Variants in WWC1 observed in about 807,000 individuals in gnomAD.
The protein encoded by WWC1 is WW and C2 domain containing 1.
WWC1 carries 55 observed loss-of-function variants against 138.4 expected under a neutral mutation model. The observed-to-expected ratio is 0.40, with a 90% CI of 0.32 to 0.50. The LOEUF is 0.50. WWC1 is among the 20% of genes least tolerant of loss of function. The probability of loss-of-function intolerance (pLI) is 0.72; values close to 1 mark genes in which losing one functional copy is unlikely to be tolerated. For synonymous variants in WWC1, 524 were observed against 564.9 expected, an observed-to-expected ratio of 0.93 and a Z score of 1.03; for missense variants, 1,226 against 1,420.4, an observed-to-expected ratio of 0.86 and a Z score of 2.20.
rs79855168 is a variant in WWC1 at position 168,444,086 on chromosome 5, G to A, written c.2434-408G>A. 9.0e-3 allele frequency among the ~76,000 whole-genome samples: 1,363 copies of A among 152,218 alleles called. 13 individuals are homozygous for A. Among genetic ancestry groups the A allele is most frequent in the Non-Finnish European group, 0.014 (978 of 68,018 alleles). On this transcript the variant is annotated intron_variant, in intron 16 of 22. Coordinates refer to ENST00000265293, the MANE Select transcript of WWC1 (RefSeq NM_015238.3). ...ACTTCCCAAGCTTTATCACTGTTCC[G>A]CTGTTCCCAAACAGCCAGTACTTAT...
intron 1 of WWC1, among the ~76,000 whole-genome samples, chr5:168,310,754 C>G (rs144640172): frequency 0.012 from 1,853 of 150,898 alleles, 44 homozygotes; most frequent in African/African-American, 0.043. Flanking sequence ...GGAAGGATCA[C>G]TTGGACCCAG....
At chr5:168,319,510 A>G (rs1771884475) in intron 1 of WWC1, among the ~76,000 whole-genome samples, 1 of 152,148 alleles carries the variant, frequency 6.6e-6, no homozygotes. Flanking sequence ...TCACATGGTA[A>G]TTTATCTATT....
At chr5:168,450,064 G>C (rs1218820890) in intron 17 of WWC1, among the ~76,000 whole-genome samples, 1 of 152,170 alleles carries the variant, frequency 6.6e-6, no homozygotes, top group Non-Finnish European at 1.5e-5. Flanking sequence ...CACTCTCGCC[G>C]AGCTAGCTAG....
intron 17 of WWC1, among the ~76,000 whole-genome samples, chr5:168,446,533 G>A (rs1314187231): frequency 6.6e-6 from 1 of 152,170 alleles, no homozygotes; most frequent in Non-Finnish European, 1.5e-5. Context: ...TAAAATACAT[G>A]CAGAAAATTC....
At chr5:168,295,948 G>C (rs1173137453) in intron 1 of WWC1, among the ~76,000 whole-genome samples, 5 of 152,318 alleles carry the variant, frequency 3.3e-5, no homozygotes. Flanking sequence ...AGCACCACAG[G>C]CTTTTCCTGA....
chr5:168,382,825 T>C (rs1736523827), intron 2 of WWC1, among the ~76,000 whole-genome samples: 1 of 152,178 alleles, frequency 6.6e-6, no homozygotes, highest in Admixed American at 6.5e-5. Context: ...CCTTACTTTT[T>C]TTCTCAGAAA....
intron 20 of WWC1, among the ~76,000 whole-genome samples, chr5:168,461,233 G>C (rs753422122): frequency 5.3e-5 from 8 of 152,090 alleles, no homozygotes; most frequent in Non-Finnish European, 1.0e-4. Context: ...TTGGGAGGCT[G>C]AGGCAGGAGA....
At chr5:168,460,780 C>T (rs1376555758) in intron 20 of WWC1, 38 bp downstream of exon 20, 12 of 1,603,918 alleles carry the variant, frequency 7.5e-6, no homozygotes, top group Non-Finnish European at 1.0e-5. Context: ...TCTGCCTGCT[C>T]CTCCCTCGTT....
chr5:168,414,761 G>A, intron 9 of WWC1, 171 bp downstream of exon 9: 2 of 996,656 alleles, frequency 2.0e-6, no homozygotes, highest in South Asian at 2.0e-5. Context: ...AAGATGGTTT[G>A]CCATCCAGTG....
intron 15 of WWC1, among the ~76,000 whole-genome samples, chr5:168,440,576 G>A (rs920779650): frequency 6.6e-6 from 1 of 152,072 alleles, no homozygotes; most frequent in East Asian, 1.9e-4. Flanking sequence ...GAGTGCAATG[G>A]CACGATCTCA....
At chr5:168,322,200 C>T (rs1228253916) in intron 1 of WWC1, among the ~76,000 whole-genome samples, 2 of 151,886 alleles carry the variant, frequency 1.3e-5, no homozygotes, top group Non-Finnish European at 2.9e-5. Flanking sequence ...TTAAACCATA[C>T]ATTACATTGA....
At position 168,374,706 on chromosome 5, in the gene WWC1, T is replaced by C. The variant is rs77917822; in HGVS notation, c.229+3173T>C. Among the ~76,000 whole-genome samples, 947 of 152,300 alleles carry C rather than the reference T, an allele frequency of 6.2e-3. 11 individuals are homozygous for C. Among genetic ancestry groups the C allele is most frequent in the African/African-American group, 0.022 (907 of 41,558 alleles). On this transcript the variant is annotated intron_variant, in intron 2 of 22. Coordinates refer to ENST00000265293, the MANE Select transcript of WWC1 (RefSeq NM_015238.3). ...CAGATGAGTAACATGATCTGACTTA[T>C]GTCTTAAAAGGACCAGTCTGACTGC...
chr5:168,419,550 T>C (rs1391093190), intron 9 of WWC1, among the ~76,000 whole-genome samples: 1 of 152,124 alleles, frequency 6.6e-6, no homozygotes, highest in Non-Finnish European at 1.5e-5. Context: ...AAAAGAGAGA[T>C]TTCTGGGCCC....
chr5:168,400,736 C>A (rs781702850), intron 5 of WWC1, among the ~76,000 whole-genome samples: 1 of 151,858 alleles, frequency 6.6e-6, no homozygotes, highest in East Asian at 1.9e-4. Flanking sequence ...ATTGCTTGAG[C>A]CTGTGAGTTG....
chr5:168,446,643 A>G (rs2152876790), intron 17 of WWC1, among the ~76,000 whole-genome samples: 1 of 152,320 alleles, frequency 6.6e-6, no homozygotes, highest in Admixed American at 6.5e-5. Context: ...AGAAGCCCAC[A>G]CCTTGTGTCA....
At chr5:168,466,365 CT>C (rs1370546687) in intron 21 of WWC1, among the ~76,000 whole-genome samples, 1 of 152,006 alleles carries the variant, frequency 6.6e-6, no homozygotes, top group Non-Finnish European at 1.5e-5. Flanking sequence ...AAAATAATAC[CT>C]GCCACTCTGT....
intron 5 of WWC1, among the ~76,000 whole-genome samples, chr5:168,402,375 A>T (rs1008895925): frequency 7.9e-5 from 12 of 152,190 alleles, no homozygotes; most frequent in African/African-American, 2.9e-4. Flanking sequence ...AAAGTGACTT[A>T]ACCCCTGTGA....
intron 17 of WWC1, among the ~76,000 whole-genome samples, chr5:168,445,836 G>A (rs893779439): frequency 1.3e-5 from 2 of 151,622 alleles, no homozygotes; most frequent in East Asian, 1.9e-4. Flanking sequence ...CTCCATCACC[G>A]AGGCTGCTTT....
At chr5:168,328,566 A>T (rs1772763333) in intron 1 of WWC1, among the ~76,000 whole-genome samples, 1 of 151,724 alleles carries the variant, frequency 6.6e-6, no homozygotes, top group African/African-American at 2.4e-5. Flanking sequence ...TCTTTTATTG[A>T]GACGGAGTCT....
Sources: gnomAD v4.1 joint callset for allele counts (sites outside exome capture counted in the v4.1 genomes callset) on GRCh38, gnomAD v4.1.1 for gene constraint, MANE v1.5 for transcripts, NCBI Gene and HGNC (gene_info 2026-07-23, HGNC 2026-07-21) for gene names.